GMDS: variants seen among roughly 807,000 people sequenced by gnomAD.
GMDS encodes the protein GDP-mannose 4,6-dehydratase.
GMDS carries 20 observed loss-of-function variants against 49.9 expected under a neutral mutation model. The ratio of observed to expected loss-of-function variants is 0.40; its 90% CI spans 0.28 to 0.58. The LOEUF (loss-of-function observed/expected upper bound fraction) is 0.58. Ranked by LOEUF, GMDS falls within the 20% of genes least tolerant of loss-of-function variation. The pLI is 0.42. For missense variants in GMDS, 362 were observed against 481.4 expected (o/e 0.75, Z 2.32); for synonymous variants, 177 against 178.6 (o/e 0.99, Z 0.07).
intron 7 of GMDS, among the ~76,000 whole-genome samples, chr6:1,897,356 G>T (rs928773236): frequency 1.3e-5 from 2 of 152,114 alleles, no homozygotes; most frequent in African/African-American, 4.8e-5. Flanking sequence ...TCCAAATACG[G>T]TCACATTCTG....
At chr6:1,740,384 C>T (rs1230188992) in intron 8 of GMDS, among the ~76,000 whole-genome samples, 5 of 152,060 alleles carry the variant, frequency 3.3e-5, no homozygotes, top group African/African-American at 2.4e-5. Flanking sequence ...TGGTAAAACC[C>T]CGTCTCTACT....
At position 2,176,106 on chromosome 6, in the gene GMDS, A is replaced by G. The variant is rs541639246; in HGVS notation, c.103-51375T>C. 798 of 802,356 alleles carry G rather than the reference A, an allele frequency of 9.9e-4. 1 individual carries two copies. Among genetic ancestry groups the G allele is most frequent in the Non-Finnish European group, 9.8e-4 (509 of 517,308 alleles). The allele number at this position is 802,356 out of a possible 1,614,324, so 49.7% of individuals were successfully genotyped here. ...CTGACAACATGTAATTCTGGTGTCCAGCCCCCCTTCTACAACCAGGGATGA... is the reference window on the plus strand; with the variant it reads ...CTGACAACATGTAATTCTGGTGTCCGGCCCCCCTTCTACAACCAGGGATGA... On this transcript the variant is annotated intron_variant, in intron 1 of 10. Transcript: ENST00000380815.
intron 2 of GMDS, among the ~76,000 whole-genome samples, chr6:2,119,683 A>T (rs1775037406): frequency 6.6e-6 from 1 of 152,210 alleles, no homozygotes; most frequent in African/African-American, 2.4e-5. Flanking sequence ...GGAGAAAAAG[A>T]TATGAGGTGT....
chr6:1,687,297 C>T (rs1765009711), intron 9 of GMDS, among the ~76,000 whole-genome samples: 1 of 152,244 alleles, frequency 6.6e-6, no homozygotes. Flanking sequence ...CCTAGACTCT[C>T]CCGCACTTCA....
At chr6:1,767,929 A>C (rs1768421799) in intron 7 of GMDS, among the ~76,000 whole-genome samples, 2 of 149,250 alleles carry the variant, frequency 1.3e-5, no homozygotes, top group Admixed American at 1.3e-4. Flanking sequence ...TTACATTTTG[A>C]CTCTCTTCTC....
intron 7 of GMDS, among the ~76,000 whole-genome samples, chr6:1,866,084 C>T (rs902016249): frequency 2.0e-5 from 3 of 152,170 alleles, no homozygotes; most frequent in African/African-American, 7.2e-5. Context: ...ACCACCTCTC[C>T]GTTTCCACCT....
chr6:1,958,667 A>T (rs1337975932), intron 6 of GMDS, among the ~76,000 whole-genome samples: 2 of 151,844 alleles, frequency 1.3e-5, no homozygotes, highest in Non-Finnish European at 2.9e-5. Context: ...CTGTCGCTTT[A>T]ATCTTTCTTC....
chr6:2,130,759 A>G (rs1775691002), intron 1 of GMDS, among the ~76,000 whole-genome samples: 1 of 152,220 alleles, frequency 6.6e-6, no homozygotes, highest in South Asian at 2.1e-4. Context: ...TTGATAAGAA[A>G]AAAAAGATTT....
intron 7 of GMDS, among the ~76,000 whole-genome samples, chr6:1,760,719 T>C (rs923281460): frequency 6.6e-6 from 1 of 152,184 alleles, no homozygotes; most frequent in Admixed American, 6.5e-5. Flanking sequence ...AATCTAGATG[T>C]CAAGTTAAAA....
At chr6:2,034,315 T>G (rs1239381809) in intron 4 of GMDS, among the ~76,000 whole-genome samples, 1 of 152,170 alleles carries the variant, frequency 6.6e-6, no homozygotes, top group African/African-American at 2.4e-5. Flanking sequence ...GATTACATAC[T>G]GTATTATTCC....
chr6:1,629,323 G>A (rs539240191), intron 9 of GMDS, among the ~76,000 whole-genome samples: 2 of 152,114 alleles, frequency 1.3e-5, no homozygotes, highest in South Asian at 2.1e-4. Flanking sequence ...CCTTACTGCT[G>A]TCTATCCACA....
intron 6 of GMDS, among the ~76,000 whole-genome samples, chr6:1,940,596 A>T (rs1025065112): frequency 2.6e-5 from 4 of 152,252 alleles, no homozygotes; most frequent in Admixed American, 6.5e-5. Flanking sequence ...GCCAAGAGCA[A>T]CACTATTTAA....
At chr6:1,676,015 G>T (rs1307065073) in intron 9 of GMDS, among the ~76,000 whole-genome samples, 1 of 152,110 alleles carries the variant, frequency 6.6e-6, no homozygotes, top group African/African-American at 2.4e-5. Context: ...AAACCAAGAA[G>T]AAGTTATTTG....
chr6:1,657,862 AAAAAAAAG>A (rs1484784446), intron 9 of GMDS, among the ~76,000 whole-genome samples: 12 of 146,208 alleles, frequency 8.2e-5, no homozygotes, highest in African/African-American at 2.3e-4. Context: ...GCAAAAAAAA[AAAAAAAAG>A]AAAAAGAAAA....
chr6:2,117,052 G>A (rs2127500734), intron 3 of GMDS, among the ~76,000 whole-genome samples: 1 of 152,122 alleles, frequency 6.6e-6, no homozygotes, highest in Middle Eastern at 3.4e-3. Context: ...CATTTATTTG[G>A]GCCTATCTTC....
intron 9 of GMDS, among the ~76,000 whole-genome samples, chr6:1,693,884 T>A (rs1199085164): frequency 6.6e-6 from 1 of 152,210 alleles, no homozygotes; most frequent in Non-Finnish European, 1.5e-5. Context: ...TATTTTAATC[T>A]AACAAACTTA....
At chr6:2,085,091 T>G (rs1772934744) in intron 4 of GMDS, among the ~76,000 whole-genome samples, 1 of 152,170 alleles carries the variant, frequency 6.6e-6, no homozygotes, top group Admixed American at 6.5e-5. Context: ...AGTCTACTCT[T>G]CTACAGTCCT....
intron 4 of GMDS, among the ~76,000 whole-genome samples, chr6:2,077,432 T>C (rs781108516): frequency 5.9e-5 from 9 of 152,058 alleles, no homozygotes; most frequent in Non-Finnish European, 1.3e-4. Flanking sequence ...ATATATGTCC[T>C]TTATGATTTT....
Position 1,914,458 on chromosome 6 carries a change from C to T in GMDS, c.771+15645G>A, listed in dbSNP as rs1224876207. ...CTCCAGCCTGGGCAACAGAGCAAGA[C>T]TCTGTCTCAAAAAAAAAAAAAAGAA... is the stretch of plus-strand genomic sequence containing the variant. On this transcript the variant is annotated intron_variant, in intron 7 of 10. Transcript: ENST00000380815. Among the ~76,000 whole-genome samples, 3 of 146,064 alleles carry T rather than the reference C, an allele frequency of 2.1e-5. No homozygotes were observed. The East Asian group carries it at 6.1e-4, about 30-fold the overall frequency.
Sources: allele counts gnomAD v4.1 joint callset (sites outside exome capture counted in the v4.1 genomes callset), GRCh38; gene constraint gnomAD v4.1.1; transcripts MANE v1.5; gene names NCBI Gene and HGNC (gene_info 2026-07-23, HGNC 2026-07-21).